GRIK5: variants seen among roughly 807,000 people sequenced by gnomAD.
The protein encoded by GRIK5 is glutamate ionotropic receptor kainate type subunit 5.
GRIK5 carries 43 observed loss-of-function variants against 97.4 expected under a neutral mutation model. The observed-to-expected ratio is 0.44, with a 90% confidence interval of 0.35 to 0.57. GRIK5 has a LOEUF of 0.57. Ranked by LOEUF, GRIK5 falls within the 20% of genes least tolerant of loss-of-function variation. The pLI is 0.01. For missense variants in GRIK5, 1,015 were observed against 1,382.0 expected (o/e 0.73, Z 4.21); for synonymous variants, 580 against 583.5 (o/e 0.99, Z 0.09).
At chr19:42,063,368 G>C in intron 3 of GRIK5, 1 of 456,706 alleles carries the variant, frequency 2.2e-6, no homozygotes, top group Non-Finnish European at 4.4e-6. Flanking sequence ...GAGGTGGAAA[G>C]CTGTTGTTTT....
At position 42,003,305 on chromosome 19, in the gene GRIK5, G is replaced by GGCCCCCCCCCCCC; in HGVS notation, c.2514+26_2514+27insGGGGGGGGGGGGC. 6.5e-7 allele frequency: 1 copy of GGCCCCCCCCCCCC among 1,540,744 alleles called. No individual in the cohort carries two copies. Among genetic ancestry groups the GGCCCCCCCCCCCC allele is most frequent in the Non-Finnish European group, 8.9e-7 (1 of 1,118,204 alleles). On this transcript the variant is annotated intron_variant, in intron 19 of 19. Transcript: ENST00000593562. This position sits in a 1 kb window ranked among gnomAD's most constrained non-coding sequence, Gnocchi z 4.2. ...TCAGCCCCTGGGGGTCCCTGTTCCT[G>GGCCCCCCCCCCCC]CCCACCCCCACCCCCAGCCTCCTCA...
At position 42,006,535 on chromosome 19, in the gene GRIK5, T is replaced by C; in HGVS notation, c.2037+110A>G. ...TTTCTGCTCCCCAGCCTCCAGGCTG[T>C]CACTGACAATCAGTCCCTCTGACCC... On this transcript the variant is annotated intron_variant, in intron 16 of 19. Transcript: ENST00000593562. The surrounding 1 kb of genome is among the most constrained non-coding windows in gnomAD (Gnocchi z 5.3). 1.1e-6 allele frequency: 1 copy of C among 918,350 alleles called. No homozygotes were observed. The highest frequency in any genetic ancestry group is 1.7e-6 in the Non-Finnish European group (1 of 590,232). The allele number at this position is 918,350 out of a possible 1,614,324, so 56.9% of individuals were successfully genotyped here.
At chr19:42,054,521 C>T in intron 8 of GRIK5, 49 bp from the exon 9 acceptor site, 1 of 1,592,586 alleles carries the variant, frequency 6.3e-7, no homozygotes. Context: ...GCTGCCTAGG[C>T]AGAGGAGCCC....
intron 15 of GRIK5, among the ~76,000 whole-genome samples, chr19:42,017,977 A>G (rs2075645736): frequency 6.6e-6 from 1 of 151,836 alleles, no homozygotes; most frequent in Non-Finnish European, 1.5e-5. Context: ...ACCAAGGGAG[A>G]GTTGGGAGGG....
At chr19:42,034,985 C>G (rs1467706419) in intron 12 of GRIK5, among the ~76,000 whole-genome samples, 2 of 152,080 alleles carry the variant, frequency 1.3e-5, no homozygotes, top group African/African-American at 4.8e-5. Flanking sequence ...CTAAATGTAG[C>G]TGGTTTGTTT....
At chr19:42,035,829 A>G (rs2075897426) in intron 12 of GRIK5, among the ~76,000 whole-genome samples, 1 of 152,188 alleles carries the variant, frequency 6.6e-6, no homozygotes, top group Non-Finnish European at 1.5e-5. Context: ...TGCTATTTGT[A>G]CCATTTGGTA....
rs2075489062 is a variant in GRIK5 at position 42,006,234 on chromosome 19, A to G, written c.2038-286T>C. Reference sequence around the variant, plus strand: ...CCAGCCGGTGGCCGCTGCCCAACTCAGGCCTCCTTTAGACCACTAGGACCT... The same window carrying G: ...CCAGCCGGTGGCCGCTGCCCAACTCGGGCCTCCTTTAGACCACTAGGACCT... On this transcript the variant is annotated intron_variant, in intron 16 of 19. Coordinates refer to ENST00000593562, the MANE Select transcript of GRIK5 (RefSeq NM_002088.5). The surrounding 1 kb of genome is among the most constrained non-coding windows in gnomAD (Gnocchi z 5.3). Among the ~76,000 whole-genome samples, 1 of 152,026 alleles carries G rather than the reference A, an allele frequency of 6.6e-6. No individual in the cohort carries two copies.
At chr19:42,028,817 G>GT (rs1324182315) in intron 12 of GRIK5, among the ~76,000 whole-genome samples, 6 of 152,262 alleles carry the variant, frequency 3.9e-5, no homozygotes, top group South Asian at 2.1e-4. Flanking sequence ...TGTACATAAA[G>GT]TTTTATTGGA....
intron 3 of GRIK5, among the ~76,000 whole-genome samples, chr19:42,064,317 C>T (rs1236765378): frequency 6.6e-6 from 1 of 152,202 alleles, no homozygotes; most frequent in African/African-American, 2.4e-5. Context: ...ACAATCTGCA[C>T]AGCCTCGCTT....
intron 12 of GRIK5, among the ~76,000 whole-genome samples, chr19:42,036,391 C>G (rs931857865): frequency 6.6e-6 from 1 of 151,828 alleles, no homozygotes; most frequent in Non-Finnish European, 1.5e-5. Flanking sequence ...CTCACTCTGT[C>G]GCCCAGGCTG....
At chr19:42,054,824 C>T (rs1035218141) in intron 8 of GRIK5, among the ~76,000 whole-genome samples, 6 of 152,138 alleles carry the variant, frequency 3.9e-5, no homozygotes, top group Admixed American at 6.5e-5. Context: ...CCATAGTCCC[C>T]GTCTGAGTGT....
rs2075407274 is a variant in GRIK5, at chr19:41,999,408, T to C, written c.2515-109A>G. ...CTCCTTTCCTCGCCCGGGTCTTTCT[T>C]CCTTCTGCCCTCGCTTCCCTTCCCA... On this transcript the variant is annotated intron_variant, in intron 19 of 19. Transcript: ENST00000593562. This position sits in a 1 kb window ranked among gnomAD's most constrained non-coding sequence, Gnocchi z 5.0. 3.6e-6 allele frequency: 3 copies of C among 837,594 alleles called. No homozygotes were observed. Among genetic ancestry groups the C allele is most frequent in the Non-Finnish European group, 5.3e-6 (3 of 569,052 alleles). 51.9% of individuals were successfully genotyped at this position (837,594 alleles called of 1,614,324 possible). A position where few individuals can be genotyped will look rare whatever the true frequency, so the allele number is the denominator to read the frequency against.
chr19:41,999,661 G>T lies in GRIK5; in HGVS notation c.2515-362C>A, dbSNP rs1328212705. Among the ~76,000 whole-genome samples, 1 of 152,108 alleles carries T rather than the reference G, an allele frequency of 6.6e-6. No homozygotes were observed. Among genetic ancestry groups the T allele is most frequent in the Non-Finnish European group, 1.5e-5 (1 of 68,018 alleles). On this transcript the variant is annotated intron_variant, in intron 19 of 19. Transcript: ENST00000593562. This position sits in a 1 kb window ranked among gnomAD's most constrained non-coding sequence, Gnocchi z 5.0. Reference sequence around the variant, plus strand: ...TCATCCATGCGTTCATTATTGCAAGGCATATTTACCTGTGGCCTGCTGTGT... The same window carrying T: ...TCATCCATGCGTTCATTATTGCAAGTCATATTTACCTGTGGCCTGCTGTGT...
chr19:42,042,431 A>G lies in GRIK5; in HGVS notation c.1473+121T>C. On this transcript the variant is annotated intron_variant, in intron 12 of 19. Transcript: ENST00000593562. The surrounding 1 kb of genome is among the most constrained non-coding windows in gnomAD (Gnocchi z 6.9). ...AGTGAGGTGGTGTCAGGGGCCCTTCATGGCTCCTTCCTCTTCTGCCACCAG... is the reference window on the plus strand; with the variant it reads ...AGTGAGGTGGTGTCAGGGGCCCTTCGTGGCTCCTTCCTCTTCTGCCACCAG... 1 of 856,326 alleles carries G rather than the reference A, an allele frequency of 1.2e-6. No individual in the cohort carries two copies. Among genetic ancestry groups the G allele is most frequent in the South Asian group, 1.6e-5 (1 of 62,130 alleles). 53.0% of individuals were successfully genotyped at this position (856,326 alleles called of 1,614,324 possible).
chr19:42,009,959 G>T (rs1555873664), intron 15 of GRIK5, among the ~76,000 whole-genome samples: 1 of 150,798 alleles, frequency 6.6e-6, no homozygotes, highest in Non-Finnish European at 1.5e-5. Flanking sequence ...CCAGCTACTT[G>T]GGAGGCTGAG....
intron 1 of GRIK5, chr19:42,068,588 G>T (rs536398839): frequency 4.9e-6 from 2 of 411,454 alleles, no homozygotes; most frequent in Non-Finnish European, 8.6e-6. Flanking sequence ...GAGAGAGGGA[G>T]GAGGACAGGT....
intron 15 of GRIK5, among the ~76,000 whole-genome samples, chr19:42,010,807 G>A (rs750502079): frequency 3.3e-5 from 5 of 152,122 alleles, no homozygotes; most frequent in Admixed American, 6.5e-5. Flanking sequence ...ATTTCCTTAC[G>A]AAGCATTTAG....
Position 42,005,914 on chromosome 19 carries a change from T to C in GRIK5, c.2072A>G (p.Asn691Ser). The change falls in exon 17 of 20, where the codon AAC becomes AGC. Residue 691 changes from asparagine to serine, a missense_variant. Transcript: ENST00000593562. ...GCTGGGCTGCTTCGACTGCATGTAGTTCCACATGCGCTGGTACGTTTGGTA... is the reference window on the plus strand; with the variant it reads ...GCTGGGCTGCTTCGACTGCATGTAGCTCCACATGCGCTGGTACGTTTGGTA... ...SRYQTYQRMW[N>S]YMQSKQPSVF... 6.3e-7 allele frequency: 1 copy of C among 1,594,616 alleles called. No homozygotes were observed. Among genetic ancestry groups the C allele is most frequent in the South Asian group, 1.1e-5 (1 of 89,716 alleles).
In GRIK5 at chr19:42,006,696, G is replaced by A. The variant is rs2075495261; in HGVS notation, c.1986C>T (p.Thr662=). 6.2e-7 allele frequency: 1 copy of A among 1,613,886 alleles called. No homozygotes were observed. The highest frequency in any genetic ancestry group is 8.5e-7 in the Non-Finnish European group (1 of 1,179,968). ...CGTGGATGGTGCCATACTCGATGTT[G>A]GTCTGATCTGCCAGGTCATCGGCCG... The part of the protein sequence containing the change: ...VESADDLADQ[T]NIEYGTIHAG... The change falls in exon 16 of 20, where the codon ACC becomes ACT. Residue 662 remains threonine, a synonymous_variant. Coordinates refer to ENST00000593562, the MANE Select transcript of GRIK5 (RefSeq NM_002088.5). This position sits in a 1 kb window ranked among gnomAD's most constrained non-coding sequence, Gnocchi z 5.3.
Sources: allele counts gnomAD v4.1 joint callset (sites outside exome capture counted in the v4.1 genomes callset), GRCh38; gene constraint gnomAD v4.1.1; non-coding constraint Gnocchi (gnomAD v3.1); transcripts MANE v1.5; gene names NCBI Gene and HGNC (gene_info 2026-07-23, HGNC 2026-07-21).